Variants in SARS1 observed in about 807,000 individuals in gnomAD.
SARS1 encodes seryl-tRNA synthetase 1, also known as serine--tRNA ligase, cytoplasmic.
SARS1 carries 25 observed loss-of-function variants against 63.7 expected under a neutral mutation model. The ratio of observed to expected loss-of-function variants is 0.39; its 90% confidence interval spans 0.29 to 0.55. The LOEUF is 0.55. Ranked by LOEUF, SARS1 falls within the 20% of genes least tolerant of loss-of-function variation. The pLI is 0.62. For missense variants in SARS1, 417 were observed against 649.7 expected (o/e 0.64, Z 3.89); for synonymous variants, 231 against 243.5 (o/e 0.95, Z 0.48).
chr1:109,220,179 T>A (rs1036773901), intron 1 of SARS1, among the ~76,000 whole-genome samples: 1 of 152,234 alleles, frequency 6.6e-6, no homozygotes, highest in Non-Finnish European at 1.5e-5. Context: ...CATATGTACA[T>A]TCTTATGTGT....
chr1:109,226,748 T>A (rs75848049), intron 2 of SARS1, among the ~76,000 whole-genome samples: 10 of 134,790 alleles, frequency 7.4e-5, no homozygotes, highest in Admixed American at 2.3e-4. Context: ...ATTTATTTAT[T>A]TATTTATTTA....
intron 1 of SARS1, chr1:109,215,204 A>T: frequency 1.0e-6 from 1 of 985,430 alleles, no homozygotes; most frequent in Non-Finnish European, 1.2e-6. Flanking sequence ...AGTTTGTTTG[A>T]TTGTGAGATT....
chr1:109,215,179 G>A (rs1654756521), intron 1 of SARS1: 1 of 985,352 alleles, frequency 1.0e-6, no homozygotes, highest in Non-Finnish European at 1.2e-6. Flanking sequence ...TATGTCTTAG[G>A]CCCTCTATTG....
intron 1 of SARS1, among the ~76,000 whole-genome samples, chr1:109,223,624 T>C (rs626704): frequency 0.98 from 149,933 of 152,230 alleles, 73,870 homozygotes; most frequent in Middle Eastern, 1. Context: ...GCCAACATGG[T>C]GAAACCCCGT....
chr1:109,231,107 A>C, intron 5 of SARS1, 86 bp downstream of exon 5: 1 of 878,426 alleles, frequency 1.1e-6, no homozygotes, highest in East Asian at 4.4e-5. Context: ...TTGTAGAGAA[A>C]CATAATCTGT....
chr1:109,236,880 G>A (rs771015297), intron 9 of SARS1: 6 of 1,594,058 alleles, frequency 3.8e-6, no homozygotes, highest in Admixed American at 1.8e-5. Context: ...GGTCTGGGTT[G>A]TAAGCTGCTC....
chr1:109,237,984 C>T lies in SARS1; in HGVS notation c.*96C>T, dbSNP rs1349853799. 7.2e-7 allele frequency: 1 copy of T among 1,393,900 alleles called. No homozygotes were observed. 86.3% of individuals were successfully genotyped at this position (1,393,900 alleles called of 1,614,324 possible). Reference sequence around the variant, plus strand: ...GGGAAGCCAAGCACCCATTCATCCCCCTGCCCCCATCTGACTGCGTAGCTG... The same window carrying T: ...GGGAAGCCAAGCACCCATTCATCCCTCTGCCCCCATCTGACTGCGTAGCTG... On this transcript the variant is annotated 3_prime_UTR_variant, in exon 11 of 11. Transcript: ENST00000234677. The surrounding 1 kb of genome is among the most constrained non-coding windows in gnomAD (Gnocchi z 4.1).
rs570052554 is a variant in SARS1, at chr1:109,219,716, T to C, written c.137-4262T>C. 9.9e-5 allele frequency among the ~76,000 whole-genome samples: 15 copies of C among 152,194 alleles called. No homozygotes were observed. In the South Asian group the frequency reaches 2.9e-3, roughly 29 times the overall value. ...TTTTATTAGAGCTGGGGTTTCACCATGTTAGCCAGGATGGTCTTGATCTCC... is the reference window on the plus strand; with the variant it reads ...TTTTATTAGAGCTGGGGTTTCACCACGTTAGCCAGGATGGTCTTGATCTCC... On this transcript the variant is annotated intron_variant, in intron 1 of 10. Transcript: ENST00000234677.
intron 1 of SARS1, chr1:109,216,945 C>G: frequency 1.0e-6 from 1 of 985,346 alleles, no homozygotes; most frequent in Non-Finnish European, 1.2e-6. Context: ...TTCCTCATAA[C>G]CTTTACTGCA....
chr1:109,216,635 T>C, intron 1 of SARS1: 2 of 972,430 alleles, frequency 2.1e-6, no homozygotes, highest in Non-Finnish European at 2.4e-6. Context: ...AAGTTGTTGT[T>C]TCCTTTTTTT....
At chr1:109,216,974 C>T in intron 1 of SARS1, 1 of 985,374 alleles carries the variant, frequency 1.0e-6, no homozygotes, top group Non-Finnish European at 1.2e-6. Flanking sequence ...AAAACAGGTC[C>T]TTATCATTGT....
intron 6 of SARS1, among the ~76,000 whole-genome samples, chr1:109,232,224 T>G (rs1037713939): frequency 4.6e-5 from 7 of 152,180 alleles, no homozygotes; most frequent in Non-Finnish European, 8.8e-5. Flanking sequence ...TGAGACATAC[T>G]TGCCTTGGGA....
Position 109,215,437 on chromosome 1 carries a change from GTAGA to G in SARS1, c.136+1313_136+1316del, listed in dbSNP as rs1183456210. On this transcript the variant is annotated intron_variant, in intron 1 of 10. Coordinates refer to ENST00000234677, the MANE Select transcript of SARS1 (RefSeq NM_006513.4). ...GAGGGATTTGTCCCTTATCTGAAAA[GTAGA>G]TAGGTGGTGAGTTCTTCAGGGACAA... 7 of 985,426 alleles carry G rather than the reference GTAGA, an allele frequency of 7.1e-6. No individual in the cohort carries two copies. The African/African-American group carries it at 1.2e-4, about 17-fold the overall frequency. The allele number at this position is 985,426 out of a possible 1,614,324, so 61.0% of individuals were successfully genotyped here.
At position 109,217,214 on chromosome 1, in the gene SARS1, T is replaced by G. The variant is rs1654810445; in HGVS notation, c.136+3086T>G. The G allele has an allele frequency of 4.7e-6, 4 of 847,358 alleles. No homozygotes were observed. The East Asian group carries it at 3.7e-4, about 78-fold the overall frequency. 52.5% of individuals were successfully genotyped at this position (847,358 alleles called of 1,614,324 possible). A position where few individuals can be genotyped will look rare whatever the true frequency, so the allele number is the denominator to read the frequency against. On this transcript the variant is annotated intron_variant, in intron 1 of 10. Coordinates refer to ENST00000234677, the MANE Select transcript of SARS1 (RefSeq NM_006513.4). Reference sequence around the variant, plus strand: ...ATGTCCCAATAAATCCACCATAAGTTGAAAATATTGTAAGTAAAAAATGCA... The same window carrying G: ...ATGTCCCAATAAATCCACCATAAGTGGAAAATATTGTAAGTAAAAAATGCA...
At chr1:109,221,986 ATATATATATATATATATATATATATTTT>A (rs1654941675) in intron 1 of SARS1, among the ~76,000 whole-genome samples, 1 of 2,324 alleles carries the variant, frequency 4.3e-4, no homozygotes, top group African/African-American at 8.1e-4. Flanking sequence ...ATATATATAT[ATATATATATATATATATATATATATTTT>A]TTTTTTTTTT....
chr1:109,236,835 A>G lies in SARS1; in HGVS notation c.1257+287A>G, dbSNP rs533223139. ...GAATAATCTCCATTTATCTACACAG[A>G]ACAAGTTGGAGGCTTCCCTCTTCTC... is the stretch of plus-strand genomic sequence containing the variant. On this transcript the variant is annotated intron_variant, in intron 9 of 10. Coordinates refer to ENST00000234677, the MANE Select transcript of SARS1 (RefSeq NM_006513.4). 4 of 1,603,120 alleles carry G rather than the reference A, an allele frequency of 2.5e-6. No individual in the cohort carries two copies. The East Asian group carries it at 8.9e-5, about 36-fold the overall frequency.
Position 109,230,862 on chromosome 1 carries a change from T to C in SARS1, c.448-16T>C, listed in dbSNP as rs1393947555. 2.5e-6 allele frequency: 4 copies of C among 1,593,558 alleles called. No individual in the cohort carries two copies. The highest frequency in any genetic ancestry group is 3.4e-6 in the Non-Finnish European group (4 of 1,168,584). ...TCATATGTCTTGTATGTCTCTTTCT[T>C]GCTCTGTTTCCTTAGGATGTGGACA... is the stretch of plus-strand genomic sequence containing the variant. On this transcript the variant is annotated splice_polypyrimidine_tract_variant and intron_variant, in intron 4 of 10. Coordinates refer to ENST00000234677, the MANE Select transcript of SARS1 (RefSeq NM_006513.4).
At chr1:109,222,669 G>A (rs898283007) in intron 1 of SARS1, among the ~76,000 whole-genome samples, 4 of 152,280 alleles carry the variant, frequency 2.6e-5, no homozygotes, top group African/African-American at 9.6e-5. Flanking sequence ...TTAAAGAATG[G>A]CTCTCTAGGT....
At chr1:109,221,997 TATATATATATATA>T (rs1333044947) in intron 1 of SARS1, among the ~76,000 whole-genome samples, 2,958 of 17,286 alleles carry the variant, frequency 0.17, 56 homozygotes, top group Non-Finnish European at 0.21. Context: ...TATATATATA[TATATATATATATA>T]TTTTTTTTTT....
Sources: allele counts gnomAD v4.1 joint callset (sites outside exome capture counted in the v4.1 genomes callset), GRCh38; gene constraint gnomAD v4.1.1; non-coding constraint Gnocchi (gnomAD v3.1); transcripts MANE v1.5; gene names NCBI Gene and HGNC (gene_info 2026-07-23, HGNC 2026-07-21).